Variants in CDC23 observed in about 807,000 individuals in gnomAD.
The protein encoded by CDC23 is cell division cycle protein 23 homolog.
A neutral mutation model predicts 81.7 loss-of-function variants in CDC23; 26 were observed. That is an observed-to-expected ratio of 0.32 (90% CI 0.23 to 0.44). CDC23 has a LOEUF of 0.44. Ranked by LOEUF, CDC23 falls within the 20% of genes least tolerant of loss-of-function variation. The pLI is 1.00. For synonymous variants in CDC23, 267 were observed against 270.8 expected, an observed-to-expected ratio of 0.99 and a Z score of 0.14; for missense variants, 519 against 728.0, an observed-to-expected ratio of 0.71 and a Z score of 3.30.
At chr5:138,191,176 CGCGA>C in intron 13 of CDC23, among the ~76,000 whole-genome samples, 1 of 151,930 alleles carries the variant, frequency 6.6e-6, no homozygotes. Context: ...AGTGCAATGG[CGCGA>C]TCTCGGCTCA....
chr5:138,194,456 A>C (rs1334795951), intron 9 of CDC23, among the ~76,000 whole-genome samples: 4 of 152,090 alleles, frequency 2.6e-5, no homozygotes, highest in African/African-American at 7.2e-5. Context: ...AGACAATAAG[A>C]CTAAATATTG....
At chr5:138,209,772 C>T (rs114845505) in intron 2 of CDC23, among the ~76,000 whole-genome samples, 1,782 of 149,924 alleles carry the variant, frequency 0.012, 43 homozygotes, top group African/African-American at 0.042. Flanking sequence ...TGCAGTGAGC[C>T]GATATTGGGC....
chr5:138,195,661 A>G (rs1235137403), intron 9 of CDC23, among the ~76,000 whole-genome samples: 1 of 116,626 alleles, frequency 8.6e-6, no homozygotes, highest in Admixed American at 1.2e-4. Flanking sequence ...TATTATATAC[A>G]TATATTTTAT....
At chr5:138,212,436 A>G (rs1031164104) in intron 2 of CDC23, among the ~76,000 whole-genome samples, 6 of 152,118 alleles carry the variant, frequency 3.9e-5, no homozygotes, top group African/African-American at 1.4e-4. Flanking sequence ...CTCCTGTCTC[A>G]GCCTCCCGAG....
chr5:138,209,654 G>A (rs1175255894), intron 2 of CDC23, among the ~76,000 whole-genome samples: 4 of 144,522 alleles, frequency 2.8e-5, no homozygotes, highest in Admixed American at 6.9e-5. Flanking sequence ...GTGAAACCTC[G>A]TCTCTGTTAA....
chr5:138,189,259 CTTG>C (rs1456501832), intron 15 of CDC23, 111 bp from the exon 16 acceptor site: 7 of 1,024,352 alleles, frequency 6.8e-6, no homozygotes, highest in East Asian at 5.1e-5. Context: ...GGGAGGCTTG[CTTG>C]TTTTTTTTTT....
Position 138,189,920 on chromosome 5 carries a change from T to C in CDC23, c.1425-14A>G, listed in dbSNP as rs1186361547. The C allele has an allele frequency of 1.2e-6, 2 of 1,612,056 alleles. No individual in the cohort carries two copies. Among genetic ancestry groups the C allele is most frequent in the African/African-American group, 1.3e-5 (1 of 74,852 alleles). Reference sequence around the variant, plus strand: ...TGTTCATGAAGCCTACAAAAGAAACTGATCTTTAAATACCAATGATATCCC... The same window carrying C: ...TGTTCATGAAGCCTACAAAAGAAACCGATCTTTAAATACCAATGATATCCC... On this transcript the variant is annotated splice_polypyrimidine_tract_variant and intron_variant, in intron 13 of 15. Transcript: ENST00000394886.
At chr5:138,202,063 G>A (rs1754995621) in intron 4 of CDC23, 50 bp downstream of exon 4, 2 of 1,425,420 alleles carry the variant, frequency 1.4e-6, no homozygotes, top group Non-Finnish European at 2.0e-6. Flanking sequence ...AGGCATTTAA[G>A]TTTGCAACCC....
rs922869387 is a variant in CDC23 at position 138,197,509 on chromosome 5, T to A, written c.1012+690A>T. Among the ~76,000 whole-genome samples the A allele has an allele frequency of 6.0e-5, 9 of 150,034 alleles. 1 individual carries two copies. The highest frequency in any genetic ancestry group is 2.2e-4 in the African/African-American group (9 of 40,144). ...AATACATATTTATTTTTTTTTTTTT[T>A]TTTTTGAGACGGAGTCTCACTCTAT... On this transcript the variant is annotated intron_variant, in intron 9 of 15. Transcript: ENST00000394886.
At position 138,191,553 on chromosome 5, in the gene CDC23, T is replaced by A; in HGVS notation, c.1363-18A>T. ...CAATAACACTGTCAAAAAAATAAAC[T>A]GGTCATTTTGACCATTGTCCCATGT... On this transcript the variant is annotated intron_variant, in intron 12 of 15. Transcript: ENST00000394886. 6.2e-7 allele frequency: 1 copy of A among 1,611,708 alleles called. No individual in the cohort carries two copies. Among genetic ancestry groups the A allele is most frequent in the South Asian group, 1.1e-5 (1 of 91,042 alleles).
intron 9 of CDC23, among the ~76,000 whole-genome samples, chr5:138,194,832 C>T (rs1754866391): frequency 1.3e-5 from 2 of 151,328 alleles, no homozygotes; most frequent in Non-Finnish European, 2.9e-5. Context: ...AGCGATTCTC[C>T]TGCCTCAGTC....
intron 2 of CDC23, among the ~76,000 whole-genome samples, chr5:138,210,316 A>G (rs2126591057): frequency 6.6e-6 from 1 of 151,740 alleles, no homozygotes; most frequent in African/African-American, 2.4e-5. Flanking sequence ...AGCTGAGTTC[A>G]GGAATTCAAA....
rs1754941378 is a variant in CDC23 at position 138,198,276 on chromosome 5, A to G, written c.935T>C (p.Met312Thr). 1.2e-6 allele frequency: 2 copies of G among 1,612,596 alleles called. No individual in the cohort carries two copies. The highest frequency in any genetic ancestry group is 8.5e-7 in the Non-Finnish European group (1 of 1,178,856). ...AGCCAGATAACTCAACTCCGATTTCATGCTCTGGGATAAAAGAAAAAGACA... is the reference window on the plus strand; with the variant it reads ...AGCCAGATAACTCAACTCCGATTTCGTGCTCTGGGATAAAAGAAAAAGACA... ...TFSNLLYVRS[M>T]KSELSYLAHN... Residue 312 changes from methionine to threonine, a missense_variant, in exon 9 of 16, where the codon ATG (methionine) becomes ACG (threonine). Coordinates refer to ENST00000394886, the MANE Select transcript of CDC23 (RefSeq NM_004661.4).
Position 138,192,660 on chromosome 5 carries a change from G to A in CDC23, c.1013-3C>T. The A allele has an allele frequency of 6.3e-7, 1 of 1,597,638 alleles. No individual in the cohort carries two copies. The highest frequency in any genetic ancestry group is 2.2e-5 in the East Asian group (1 of 44,820). On this transcript the variant is annotated splice_polypyrimidine_tract_variant and splice_region_variant and intron_variant, in intron 9 of 15. Coordinates refer to ENST00000394886, the MANE Select transcript of CDC23 (RefSeq NM_004661.4). ...AGAACGTAAACTGTAATAATTGCCT[G>A]ATTAAAAATCAAACAAAAAAATGAA...
At chr5:138,195,577 ATATAT>A (rs1374483838) in intron 9 of CDC23, among the ~76,000 whole-genome samples, 20 of 58,262 alleles carry the variant, frequency 3.4e-4, no homozygotes, top group African/African-American at 8.6e-4. Flanking sequence ...TTTATATATA[ATATAT>A]TATATATAAT....
In CDC23 at chr5:138,206,220, T is replaced by C. The variant is rs543953304; in HGVS notation, c.372+327A>G. On this transcript the variant is annotated intron_variant, in intron 3 of 15. Coordinates refer to ENST00000394886, the MANE Select transcript of CDC23 (RefSeq NM_004661.4). ...ATAAATATACTATAAACATGATAAA[T>C]GAATTTATAAATTTAAAAGTCAGCC... The C allele has an allele frequency of 3.4e-3, 1,463 of 426,132 alleles. 6 individuals carry two copies. Among genetic ancestry groups the C allele is most frequent in the Middle Eastern group, 9.4e-3 (15 of 1,592 alleles). The allele number at this position is 426,132 out of a possible 1,614,324, so 26.4% of individuals were successfully genotyped here. A position where few individuals can be genotyped will look rare whatever the true frequency, so the allele number is the denominator to read the frequency against.
rs1755132845 is a variant in CDC23, at chr5:138,213,020, C to T, written c.205G>A (p.Glu69Lys). 6.2e-7 allele frequency: 1 copy of T among 1,613,854 alleles called. No homozygotes were observed. The highest frequency in any genetic ancestry group is 8.5e-7 in the Non-Finnish European group (1 of 1,179,880). Residue 69 changes from glutamate to lysine, a missense_variant, in exon 2 of 16, where the codon GAG becomes AAG. By Grantham distance (56) the Glu-to-Lys change is moderately conservative. Transcript: ENST00000394886. ...GTAATAGGCGGAGGCGGTTGCAGCTCGGCCAGAGGCAATGCAGGGAGAGAG... is the reference window on the plus strand; with the variant it reads ...GTAATAGGCGGAGGCGGTTGCAGCTTGGCCAGAGGCAATGCAGGGAGAGAG... ...AFSLPALPLA[E>K]LQPPPPITEE...
intron 13 of CDC23, 52 bp downstream of exon 13, chr5:138,191,422 A>G: frequency 2.0e-6 from 3 of 1,494,628 alleles, no homozygotes; most frequent in Non-Finnish European, 2.8e-6. Context: ...AGGACCCACC[A>G]TCCCAGAGAA....
intron 9 of CDC23, among the ~76,000 whole-genome samples, chr5:138,194,568 G>A (rs750383155): frequency 3.9e-5 from 6 of 152,172 alleles, no homozygotes; most frequent in Non-Finnish European, 8.8e-5. Flanking sequence ...AAATACACAC[G>A]AGGGAACTTT....
Sources: allele counts gnomAD v4.1 joint callset (sites outside exome capture counted in the v4.1 genomes callset), GRCh38; gene constraint gnomAD v4.1.1; transcripts MANE v1.5; gene names NCBI Gene and HGNC (gene_info 2026-07-23, HGNC 2026-07-21).